PITPNB: variants seen among roughly 807,000 people sequenced by gnomAD.
The protein encoded by PITPNB is phosphatidylinositol transfer protein beta, also known as phosphatidylinositol transfer protein beta isoform.
In PITPNB, 16 loss-of-function variants were observed where a neutral mutation model predicts 45.9. The ratio of observed to expected loss-of-function variants is 0.35; its 90% CI spans 0.24 to 0.53. The LOEUF (loss-of-function observed/expected upper bound fraction) is 0.53. Ranked by LOEUF, PITPNB falls within the 20% of genes least tolerant of loss-of-function variation. The pLI is 0.93. For missense variants in PITPNB, 188 were observed against 330.5 expected (o/e 0.57, Z 3.34); for synonymous variants, 112 against 108.9 (o/e 1.03, Z -0.18).
intron 8 of PITPNB, among the ~76,000 whole-genome samples, chr22:27,868,475 G>C (rs1190064701): frequency 6.6e-6 from 1 of 152,208 alleles, no homozygotes; most frequent in Non-Finnish European, 1.5e-5. Flanking sequence ...TAGCATGGCA[G>C]TAAACAAATT....
At chr22:27,854,818 G>T in intron 11 of PITPNB, 36 bp downstream of exon 11, 1 of 1,342,718 alleles carries the variant, frequency 7.4e-7, no homozygotes, top group East Asian at 2.3e-5. Flanking sequence ...AAAGGTACAG[G>T]TTTCGAAACA....
intron 7 of PITPNB, among the ~76,000 whole-genome samples, chr22:27,893,445 G>A (rs997339817): frequency 1.7e-4 from 25 of 151,026 alleles, no homozygotes; most frequent in African/African-American, 4.6e-4. Context: ...CCACCATACC[G>A]GCTAATTTTT....
At chr22:27,901,226 G>A (rs1266508759) in intron 3 of PITPNB, among the ~76,000 whole-genome samples, 1 of 152,176 alleles carries the variant, frequency 6.6e-6, no homozygotes, top group African/African-American at 2.4e-5. Context: ...ACTCTGAATA[G>A]TACTTTAAGA....
In PITPNB at chr22:27,919,030, G is replaced by A. The variant is rs543974034; in HGVS notation, c.20+142C>T. On this transcript the variant is annotated intron_variant, in intron 1 of 11. Transcript: ENST00000335272. ...CGCACTCGCTGAGGGGCTTCGAAGG[G>A]GCCGGGGGAGGGAGGGGGCGCCCGC... The A allele has an allele frequency of 4.5e-4, 562 of 1,252,330 alleles. 3 individuals are homozygous for A. The South Asian group carries it at 6.5e-3, about 14-fold the overall frequency. The allele number at this position is 1,252,330 out of a possible 1,614,324, so 77.6% of individuals were successfully genotyped here. A position where few individuals can be genotyped will look rare whatever the true frequency, so the allele number is the denominator to read the frequency against.
intron 7 of PITPNB, among the ~76,000 whole-genome samples, chr22:27,879,045 G>A (rs1329246116): frequency 2.7e-5 from 4 of 150,578 alleles, no homozygotes; most frequent in Non-Finnish European, 5.9e-5. Flanking sequence ...TTTTTTTTTG[G>A]TAATCTTTCT....
intron 9 of PITPNB, among the ~76,000 whole-genome samples, chr22:27,858,905 T>A (rs899979502): frequency 6.6e-6 from 1 of 152,218 alleles, no homozygotes; most frequent in Non-Finnish European, 1.5e-5. Flanking sequence ...TAACATTCAC[T>A]ATGAGGTGGA....
At chr22:27,909,668 A>G (rs750704460) in intron 3 of PITPNB, among the ~76,000 whole-genome samples, 4 of 152,210 alleles carry the variant, frequency 2.6e-5, no homozygotes, top group Non-Finnish European at 5.9e-5. Context: ...TGGCAGTAAT[A>G]TCAAAATTTA....
At chr22:27,908,339 T>C (rs1935823806) in intron 3 of PITPNB, among the ~76,000 whole-genome samples, 2 of 146,070 alleles carry the variant, frequency 1.4e-5, no homozygotes, top group South Asian at 4.3e-4. Context: ...TTAGGCTTTT[T>C]TTTTTTCTGA....
intron 2 of PITPNB, among the ~76,000 whole-genome samples, chr22:27,912,642 T>G (rs1935960129): frequency 6.9e-6 from 1 of 144,536 alleles, no homozygotes; most frequent in Non-Finnish European, 1.5e-5. Flanking sequence ...AATAAAAAAT[T>G]AAAAAAAAAA....
intron 8 of PITPNB, among the ~76,000 whole-genome samples, chr22:27,873,412 T>C (rs1934726611): frequency 1.3e-5 from 2 of 152,214 alleles, no homozygotes; most frequent in Admixed American, 6.5e-5. Flanking sequence ...AAATTTAAAC[T>C]ATAAACCTTC....
intron 3 of PITPNB, chr22:27,910,703 C>T (rs1935895563): frequency 2.9e-6 from 1 of 339,836 alleles, no homozygotes; most frequent in East Asian, 4.9e-5. Flanking sequence ...CTCTAAGCTG[C>T]TTCTAGTGTT....
chr22:27,858,553 C>G, intron 9 of PITPNB, 44 bp from the exon 10 acceptor site: 3 of 1,529,490 alleles, frequency 2.0e-6, no homozygotes, highest in Non-Finnish European at 2.7e-6. Flanking sequence ...TGACAAAAAC[C>G]TAAGATTAAT....
intron 3 of PITPNB, among the ~76,000 whole-genome samples, chr22:27,904,315 G>A (rs1170977302): frequency 2.0e-5 from 3 of 152,236 alleles, no homozygotes; most frequent in Non-Finnish European, 4.4e-5. Flanking sequence ...AAGCAGTAGT[G>A]ATACATGCTT....
At chr22:27,910,124 G>A in intron 3 of PITPNB, among the ~76,000 whole-genome samples, 1 of 151,788 alleles carries the variant, frequency 6.6e-6, no homozygotes, top group East Asian at 1.9e-4. Context: ...GCTAATTTTT[G>A]TATTTTTAGT....
At chr22:27,915,782 T>C (rs1487727964) in intron 1 of PITPNB, among the ~76,000 whole-genome samples, 1 of 152,154 alleles carries the variant, frequency 6.6e-6, no homozygotes, top group African/African-American at 2.4e-5. Context: ...GAGCATAAAA[T>C]GAGGGAGAGG....
chr22:27,870,250 T>C (rs953972064), intron 8 of PITPNB, among the ~76,000 whole-genome samples: 2 of 152,204 alleles, frequency 1.3e-5, no homozygotes, highest in African/African-American at 4.8e-5. Flanking sequence ...CACAGGAAGG[T>C]TGTAAAGATT....
At chr22:27,909,509 T>C (rs1431145900) in intron 3 of PITPNB, among the ~76,000 whole-genome samples, 1 of 151,958 alleles carries the variant, frequency 6.6e-6, no homozygotes, top group Non-Finnish European at 1.5e-5. Context: ...ATACAAGAAA[T>C]TCAAATGGTC....
chr22:27,900,385 T>C lies in PITPNB; in HGVS notation c.198-2493A>G, dbSNP rs542980017. Among the ~76,000 whole-genome samples, 4 of 152,276 alleles carry C rather than the reference T, an allele frequency of 2.6e-5. No homozygotes were observed. The East Asian group carries it at 7.7e-4, about 29-fold the overall frequency. On this transcript the variant is annotated intron_variant, in intron 3 of 11. Transcript: ENST00000335272. ...TCAAATAGAAGGAAATTGGCATTTATCATTAAAGGCCAACATGAGCCAAAT... is the reference window on the plus strand; with the variant it reads ...TCAAATAGAAGGAAATTGGCATTTACCATTAAAGGCCAACATGAGCCAAAT...
intron 7 of PITPNB, among the ~76,000 whole-genome samples, chr22:27,883,433 A>G (rs1935029779): frequency 6.6e-6 from 1 of 152,228 alleles, no homozygotes; most frequent in Non-Finnish European, 1.5e-5. Flanking sequence ...CCAAAATCCT[A>G]GAAGGGTGCC....
Sources: allele counts gnomAD v4.1 joint callset (sites outside exome capture counted in the v4.1 genomes callset), GRCh38; gene constraint gnomAD v4.1.1; transcripts MANE v1.5; gene names NCBI Gene and HGNC (gene_info 2026-07-23, HGNC 2026-07-21).